The following PDSS2 variants were observed in gnomAD, a reference collection of about 807,000 sequenced individuals.
The protein encoded by PDSS2 is decaprenyl diphosphate synthase subunit 2.
PDSS2 carries 31 observed loss-of-function variants against 44.5 expected under a neutral mutation model. The observed-to-expected ratio is 0.70, with a 90% CI of 0.52 to 0.94. PDSS2 has a LOEUF of 0.94. Ranked by LOEUF, PDSS2 falls within the 40% of genes least tolerant of loss-of-function variation. The probability of loss-of-function intolerance (pLI) is 0.00; values close to 1 mark genes in which losing one functional copy is unlikely to be tolerated. For synonymous variants in PDSS2, 157 were observed against 180.3 expected, an observed-to-expected ratio of 0.87 and a Z score of 1.03; for missense variants, 452 against 482.2, an observed-to-expected ratio of 0.94 and a Z score of 0.59.
intron 1 of PDSS2, among the ~76,000 whole-genome samples, chr6:107,416,876 T>C (rs72941751): frequency 0.07 from 10,508 of 150,730 alleles, 431 homozygotes; most frequent in Non-Finnish European, 0.092. Flanking sequence ...GTAGAGAAAA[T>C]AGAAGAACTA....
intron 1 of PDSS2, among the ~76,000 whole-genome samples, chr6:107,365,125 A>G (rs143262465): frequency 6.6e-6 from 1 of 152,274 alleles, no homozygotes; most frequent in Admixed American, 6.5e-5. Context: ...CTGTAAATAC[A>G]TTTTTCTCAT....
chr6:107,346,352 G>A (rs1485303400), intron 1 of PDSS2, among the ~76,000 whole-genome samples: 2 of 152,156 alleles, frequency 1.3e-5, no homozygotes, highest in Non-Finnish European at 1.5e-5. Context: ...CATCTAACCT[G>A]ACAACTGTCC....
At chr6:107,416,920 A>G (rs1780679207) in intron 1 of PDSS2, among the ~76,000 whole-genome samples, 1 of 152,140 alleles carries the variant, frequency 6.6e-6, no homozygotes, top group Non-Finnish European at 1.5e-5. Context: ...GTAAATTTAA[A>G]AATTGGATTT....
At chr6:107,173,377 C>T (rs1352380836) in intron 7 of PDSS2, among the ~76,000 whole-genome samples, 1 of 151,512 alleles carries the variant, frequency 6.6e-6, no homozygotes. Flanking sequence ...AGATTGAGAC[C>T]ATCCTCGCCA....
intron 7 of PDSS2, among the ~76,000 whole-genome samples, chr6:107,188,237 G>A (rs755122606): frequency 2.0e-5 from 3 of 152,038 alleles, no homozygotes; most frequent in East Asian, 1.9e-4. Context: ...AATTAGCTGC[G>A]CATTGGTGGC....
chr6:107,314,668 C>T lies in PDSS2; in HGVS notation c.431+19530G>A, dbSNP rs754021517. Among the ~76,000 whole-genome samples, 13 of 152,266 alleles carry T rather than the reference C, an allele frequency of 8.5e-5. No individual in the cohort carries two copies. In the East Asian group the frequency reaches 2.5e-3, roughly 29 times the overall value. On this transcript the variant is annotated intron_variant, in intron 2 of 7. Coordinates refer to ENST00000369037, the MANE Select transcript of PDSS2 (RefSeq NM_020381.4). ...GCATTAGCAATTTTTCCTTCATTTG[C>T]GTCTCATTTAAGGATCTGCCCCCAC...
intron 6 of PDSS2, 51 bp from the exon 7 acceptor site, chr6:107,193,905 G>C: frequency 2.5e-6 from 3 of 1,202,454 alleles, no homozygotes; most frequent in Middle Eastern, 1.9e-4. Flanking sequence ...AAAGTTTAGT[G>C]CTTCTATAAT....
chr6:107,336,986 A>AC (rs1400161859), intron 1 of PDSS2, among the ~76,000 whole-genome samples: 2 of 148,814 alleles, frequency 1.3e-5, no homozygotes, highest in Non-Finnish European at 3.0e-5. Context: ...AACAGCCCTG[A>AC]CAACAGTTTT....
intron 1 of PDSS2, among the ~76,000 whole-genome samples, chr6:107,382,721 C>T (rs1779490641): frequency 1.3e-5 from 2 of 152,004 alleles, no homozygotes; most frequent in South Asian, 4.1e-4. Context: ...CCTGTAGTCC[C>T]TACTGCTTGG....
At chr6:107,182,626 A>AT (rs1479857311) in intron 7 of PDSS2, among the ~76,000 whole-genome samples, 1 of 152,136 alleles carries the variant, frequency 6.6e-6, no homozygotes, top group Non-Finnish European at 1.5e-5. Flanking sequence ...CACCCGGCCT[A>AT]TAATTTATTT....
At chr6:107,331,918 T>A (rs1777723428) in intron 2 of PDSS2, among the ~76,000 whole-genome samples, 2 of 151,920 alleles carry the variant, frequency 1.3e-5, no homozygotes, top group African/African-American at 4.8e-5. Flanking sequence ...AGGGTCAAAG[T>A]CAGCAGACTG....
chr6:107,341,352 AAGG>A (rs1348054500), intron 1 of PDSS2, among the ~76,000 whole-genome samples: 7 of 152,166 alleles, frequency 4.6e-5, no homozygotes, highest in East Asian at 1.9e-4. Context: ...GATTGGAAAG[AAGG>A]AGGAGAACTA....
At chr6:107,157,510 T>C (rs1472282664) in intron 7 of PDSS2, among the ~76,000 whole-genome samples, 1 of 151,490 alleles carries the variant, frequency 6.6e-6, no homozygotes, top group Non-Finnish European at 1.5e-5. Flanking sequence ...TGATCTACCA[T>C]CTCCCCCTGG....
At chr6:107,205,204 G>A in intron 6 of PDSS2, among the ~76,000 whole-genome samples, 1 of 152,202 alleles carries the variant, frequency 6.6e-6, no homozygotes, top group East Asian at 1.9e-4. Context: ...CTAGGGACAA[G>A]CGAGTTACAG....
intron 1 of PDSS2, among the ~76,000 whole-genome samples, chr6:107,335,215 T>C (rs1777848128): frequency 6.6e-6 from 1 of 151,844 alleles, no homozygotes; most frequent in Non-Finnish European, 1.5e-5. Flanking sequence ...GCTTCCTCAT[T>C]TGCTCTCTCC....
At chr6:107,389,352 C>G (rs909146531) in intron 1 of PDSS2, among the ~76,000 whole-genome samples, 6 of 152,114 alleles carry the variant, frequency 3.9e-5, no homozygotes, top group Non-Finnish European at 5.9e-5. Context: ...AGGAGTGGAC[C>G]TAAATAACTT....
At chr6:107,396,414 T>C (rs1180939306) in intron 1 of PDSS2, among the ~76,000 whole-genome samples, 4 of 152,234 alleles carry the variant, frequency 2.6e-5, no homozygotes, top group African/African-American at 9.6e-5. Context: ...TTATCTCTTT[T>C]GTTTCCTTTC....
At chr6:107,302,846 C>CAAAAAAAAAA (rs67469482) in intron 2 of PDSS2, among the ~76,000 whole-genome samples, 1 of 141,188 alleles carries the variant, frequency 7.1e-6, no homozygotes, top group Non-Finnish European at 1.5e-5. Flanking sequence ...AACTTACTAC[C>CAAAAAAAAAA]AAAAAAAAAA....
intron 3 of PDSS2, among the ~76,000 whole-genome samples, chr6:107,260,912 TCAGACA>T (rs1179683757): frequency 6.6e-6 from 1 of 152,128 alleles, no homozygotes. Context: ...TCTGCCCACC[TCAGACA>T]CCCAAAGTGC....
Sources: gnomAD v4.1 joint callset for allele counts (sites outside exome capture counted in the v4.1 genomes callset) on GRCh38, gnomAD v4.1.1 for gene constraint, MANE v1.5 for transcripts, NCBI Gene and HGNC (gene_info 2026-07-23, HGNC 2026-07-21) for gene names.